The following NCOA2 variants were observed in gnomAD, a reference collection of about 807,000 sequenced individuals.
NCOA2 encodes the protein class E basic helix-loop-helix protein 75.
In NCOA2, 21 loss-of-function variants were observed where a neutral mutation model predicts 145.1. That is an observed-to-expected ratio of 0.14 (90% CI 0.10 to 0.21). NCOA2 has a LOEUF of 0.21. NCOA2 is among the 10% of genes least tolerant of loss of function. NCOA2 has a pLI of 1.00. For synonymous variants in NCOA2, 619 were observed against 637.5 expected (o/e 0.97, Z 0.44); for missense variants, 1,472 against 1,837.6 (o/e 0.80, Z 3.64).
intron 1 of NCOA2, among the ~76,000 whole-genome samples, chr8:70,354,407 G>C (rs998929110): frequency 3.3e-5 from 5 of 152,132 alleles, no homozygotes; most frequent in African/African-American, 7.2e-5. Flanking sequence ...CTTCTCACAT[G>C]ATTCCCCCGA....
At chr8:70,118,389 T>G (rs914324254) in intron 22 of NCOA2, among the ~76,000 whole-genome samples, 2 of 152,170 alleles carry the variant, frequency 1.3e-5, no homozygotes, top group African/African-American at 4.8e-5. Context: ...ACTCATTTCC[T>G]GTACTCAGTG....
intron 2 of NCOA2, among the ~76,000 whole-genome samples, chr8:70,271,842 T>C (rs529505567): frequency 2.0e-5 from 3 of 152,308 alleles, no homozygotes; most frequent in Admixed American, 2.0e-4. Context: ...CTTCTACACA[T>C]TAAACTAACA....
At chr8:70,165,272 T>C (rs565694570) in intron 7 of NCOA2, among the ~76,000 whole-genome samples, 1 of 152,362 alleles carries the variant, frequency 6.6e-6, no homozygotes, top group African/African-American at 2.4e-5. Context: ...TCCTTCTCAA[T>C]AAAATTTAAA....
Position 70,299,175 on chromosome 8 carries a change from A to G in NCOA2, c.-76-2375T>C, listed in dbSNP as rs185506641. 1.8e-3 allele frequency among the ~76,000 whole-genome samples: 274 copies of G among 152,362 alleles called. 1 individual carries two copies. The highest frequency in any genetic ancestry group is 6.4e-3 in the African/African-American group (266 of 41,578). ...GTGTAACATTTTAAACAAAAAGAAT[A>G]AAATACTTCCATAAAAACAGAATTA... On this transcript the variant is annotated intron_variant, in intron 1 of 22. Coordinates refer to ENST00000452400, the MANE Select transcript of NCOA2 (RefSeq NM_006540.4).
At chr8:70,379,417 T>A (rs1811982539) in intron 1 of NCOA2, among the ~76,000 whole-genome samples, 1 of 152,192 alleles carries the variant, frequency 6.6e-6, no homozygotes, top group South Asian at 2.1e-4. Context: ...TAATATCATG[T>A]GGTTTCATAC....
At chr8:70,408,811 G>C in the NCOA2 span, among the ~76,000 whole-genome samples, 3 of 133,230 alleles carry the variant, frequency 2.3e-5, no homozygotes, top group South Asian at 7.1e-4. Context: ...TTTTTTTGTA[G>C]AGATGGGGTT....
intron 4 of NCOA2, among the ~76,000 whole-genome samples, chr8:70,195,084 C>T (rs948133687): frequency 6.6e-6 from 1 of 152,134 alleles, no homozygotes; most frequent in African/African-American, 2.4e-5. Flanking sequence ...GGGAGTGTTG[C>T]AAGGCTGAAA....
chr8:70,115,325 G>C (rs1246543847), intron 22 of NCOA2, among the ~76,000 whole-genome samples: 3 of 152,270 alleles, frequency 2.0e-5, no homozygotes, highest in Non-Finnish European at 4.4e-5. Context: ...AACTTTGTAA[G>C]GCAGTATTCT....
the NCOA2 span, among the ~76,000 whole-genome samples, chr8:70,444,159 T>G: frequency 2.0e-5 from 3 of 152,354 alleles, no homozygotes; most frequent in Admixed American, 6.5e-5. Context: ...TTGTGGTATA[T>G]TCATATCATG....
intron 1 of NCOA2, among the ~76,000 whole-genome samples, chr8:70,314,785 A>G (rs997757286): frequency 3.3e-5 from 5 of 152,248 alleles, no homozygotes; most frequent in Non-Finnish European, 5.9e-5. Flanking sequence ...TTTCTCAGTT[A>G]TATAATGAAT....
Position 70,111,387 on chromosome 8 carries a change from G to C in NCOA2, c.*2245C>G, listed in dbSNP as rs1304995055. On this transcript the variant is annotated 3_prime_UTR_variant, in exon 23 of 23. Transcript: ENST00000452400. ...AAGTCATTCTAATTCACATATTTCT[G>C]AACATTAAAACTGGTCACACTGAAT... 4.5e-6 allele frequency: 1 copy of C among 222,740 alleles called. No individual in the cohort carries two copies. Among genetic ancestry groups the C allele is most frequent in the Non-Finnish European group, 9.0e-6 (1 of 111,512 alleles). The allele number at this position is 222,740 out of a possible 1,614,324, so 13.8% of individuals were successfully genotyped here.
At position 70,123,945 on chromosome 8, in the gene NCOA2, A is replaced by T. The variant is rs377407009; in HGVS notation, c.4232T>A (p.Ile1411Asn). 1.2e-6 allele frequency: 2 copies of T among 1,613,818 alleles called. No individual in the cohort carries two copies. Among genetic ancestry groups the T allele is most frequent in the Non-Finnish European group, 1.7e-6 (2 of 1,179,892 alleles). The change falls in exon 21 of 23, where the codon ATC (isoleucine) becomes AAC (asparagine). Residue 1411 changes from isoleucine to asparagine, a missense_variant. Transcript: ENST00000452400. ...CACGGAGGTCACTGAGGTCATGCTG[A>T]TCTGTCCTGTCATCTGGTTCATGCT... ...MSSMNQMTGQ[I>N]SMTSVTSVPT...
intron 1 of NCOA2, among the ~76,000 whole-genome samples, chr8:70,396,455 C>G (rs1813680581): frequency 6.6e-6 from 1 of 152,168 alleles, no homozygotes; most frequent in South Asian, 2.1e-4. Context: ...GGTAAGAGAG[C>G]TAACAAGAAC....
intron 2 of NCOA2, among the ~76,000 whole-genome samples, chr8:70,260,208 C>T (rs543784438): frequency 2.0e-5 from 3 of 152,252 alleles, no homozygotes; most frequent in African/African-American, 7.2e-5. Flanking sequence ...GACAGGGTCT[C>T]GGTCTGTCGC....
chr8:70,123,842 CG>C (rs1808100865), intron 21 of NCOA2, 41 bp downstream of exon 21: 1 of 1,503,080 alleles, frequency 6.7e-7, no homozygotes, highest in Non-Finnish European at 9.0e-7. Context: ...GAAAAAAAGC[CG>C]TGATATGAAG....
chr8:70,417,206 G>C, the NCOA2 span, among the ~76,000 whole-genome samples: 1 of 138,418 alleles, frequency 7.2e-6, no homozygotes, highest in Non-Finnish European at 1.5e-5. Context: ...CCAGGAGCTT[G>C]AGATCAGCCT....
chr8:70,290,848 A>T (rs1763417659), intron 2 of NCOA2, among the ~76,000 whole-genome samples: 1 of 152,188 alleles, frequency 6.6e-6, no homozygotes, highest in South Asian at 2.1e-4. Flanking sequence ...TGATGGAAAC[A>T]GCCTGACTTT....
At chr8:70,441,463 AAG>A in the NCOA2 span, among the ~76,000 whole-genome samples, 18 of 150,882 alleles carry the variant, frequency 1.2e-4, no homozygotes, top group South Asian at 4.2e-4. Context: ...AAAGAAAAGA[AAG>A]AGAGAGGGAG....
In NCOA2 at chr8:70,392,932, T is replaced by C. The variant is rs186750555; in HGVS notation, c.-77+10768A>G. Among the ~76,000 whole-genome samples, 11 of 152,340 alleles carry C rather than the reference T, an allele frequency of 7.2e-5. No individual in the cohort carries two copies. In the East Asian group the frequency reaches 1.9e-3, roughly 27 times the overall value. On this transcript the variant is annotated intron_variant, in intron 1 of 22. Coordinates refer to ENST00000452400, the MANE Select transcript of NCOA2 (RefSeq NM_006540.4). ...AGGAGTAAACATCTATGAAAACCTG[T>C]GGTAGTCCCAGAAAATGTGGGATTA...
Sources: allele counts gnomAD v4.1 joint callset (sites outside exome capture counted in the v4.1 genomes callset), GRCh38; gene constraint gnomAD v4.1.1; transcripts MANE v1.5; gene names NCBI Gene and HGNC (gene_info 2026-07-23, HGNC 2026-07-21).